Variants in NSG2 observed in about 807,000 individuals in gnomAD.
NSG2 encodes neuronal vesicle trafficking-associated protein 2.
In NSG2, 4 loss-of-function variants were observed where a neutral mutation model predicts 16.9. The ratio of observed to expected loss-of-function variants is 0.24; its 90% CI spans 0.12 to 0.54. The LOEUF (loss-of-function observed/expected upper bound fraction) is 0.54, where lower values mean the gene tolerates loss of function less well. Ranked by LOEUF, NSG2 falls within the 20% of genes least tolerant of loss-of-function variation. The pLI, the probability that NSG2 is intolerant of heterozygous loss-of-function variation, is 0.95. For synonymous variants in NSG2, 98 were observed against 88.7 expected, an observed-to-expected ratio of 1.11 and a Z score of -0.59; for missense variants, 179 against 221.1, an observed-to-expected ratio of 0.81 and a Z score of 1.21.
chr5:174,080,779 T>C (rs1159661706), intron 3 of NSG2, among the ~76,000 whole-genome samples: 2 of 152,100 alleles, frequency 1.3e-5, no homozygotes, highest in East Asian at 3.8e-4. Flanking sequence ...GCCAGGCTGG[T>C]CTTAAATTCC....
At chr5:174,102,247 A>G (rs1022774284) in intron 3 of NSG2, among the ~76,000 whole-genome samples, 1 of 152,228 alleles carries the variant, frequency 6.6e-6, no homozygotes, top group African/African-American at 2.4e-5. Context: ...CCTCCCGTCC[A>G]GTATTTAAAA....
chr5:174,099,452 C>T (rs1413353398), intron 3 of NSG2, among the ~76,000 whole-genome samples: 1 of 152,178 alleles, frequency 6.6e-6, no homozygotes, highest in Non-Finnish European at 1.5e-5. Context: ...CCCACTGGCC[C>T]CCTTGCCTTC....
intron 3 of NSG2, among the ~76,000 whole-genome samples, chr5:174,071,772 T>G (rs778141255): frequency 1.2e-4 from 18 of 152,136 alleles, no homozygotes; most frequent in Non-Finnish European, 2.2e-4. Flanking sequence ...GCGAGCCATC[T>G]GAGGTCCACA....
chr5:174,046,374 G>A (rs1759795776), intron 1 of NSG2, among the ~76,000 whole-genome samples: 1 of 152,022 alleles, frequency 6.6e-6, no homozygotes, highest in South Asian at 2.1e-4. Context: ...GGTATAATAG[G>A]ACTTCATTTT....
At chr5:174,046,676 C>T in intron 1 of NSG2, 58 bp from the exon 2 acceptor site, 1 of 1,546,654 alleles carries the variant, frequency 6.5e-7, no homozygotes, top group Admixed American at 1.7e-5. Context: ...TCTCTGTCGT[C>T]AGCCCTCTCT....
chr5:174,107,521 A>T lies in NSG2; in HGVS notation c.*16A>T. ...GGGCCACTAGAGGCCTGCCCCAGCC[A>T]GAATGGGGGGCGGGGTGGAGAGGAG... On this transcript the variant is annotated 3_prime_UTR_variant, in exon 5 of 5. Coordinates refer to ENST00000303177, the MANE Select transcript of NSG2 (RefSeq NM_015980.5). This position sits in a 1 kb window ranked among gnomAD's most constrained non-coding sequence, Gnocchi z 4.5. The T allele has an allele frequency of 6.4e-7, 1 of 1,570,416 alleles. No homozygotes were observed.
chr5:174,099,237 C>T (rs1219424334), intron 3 of NSG2, among the ~76,000 whole-genome samples: 1 of 152,180 alleles, frequency 6.6e-6, no homozygotes, highest in Non-Finnish European at 1.5e-5. Context: ...GACTCTCCAG[C>T]TCCCGCCCCA....
Position 174,107,605 on chromosome 5 carries a change from GGGGGC to G in NSG2, c.*105_*109del. 1 of 1,095,126 alleles carries G rather than the reference GGGGGC, an allele frequency of 9.1e-7. No homozygotes were observed. The highest frequency in any genetic ancestry group is 1.3e-6 in the Non-Finnish European group (1 of 746,324). 67.8% of individuals were successfully genotyped at this position (1,095,126 alleles called of 1,614,324 possible). A position where few individuals can be genotyped will look rare whatever the true frequency, so the allele number is the denominator to read the frequency against. ...AGACAACACTGTACTCCTGGGATAT[GGGGGC>G]GGGGGCGGGGCAGGGCAGGGTGGGG... On this transcript the variant is annotated 3_prime_UTR_variant, in exon 5 of 5. Transcript: ENST00000303177. The surrounding 1 kb of genome is among the most constrained non-coding windows in gnomAD (Gnocchi z 4.5).
chr5:174,087,062 C>A (rs939437744), intron 3 of NSG2, among the ~76,000 whole-genome samples: 1 of 152,112 alleles, frequency 6.6e-6, no homozygotes, highest in African/African-American at 2.4e-5. Flanking sequence ...AAAGAGATTC[C>A]TGAATTATTG....
At chr5:174,080,547 CTCTTTCT>C (rs1760440637) in intron 3 of NSG2, among the ~76,000 whole-genome samples, 3 of 141,114 alleles carry the variant, frequency 2.1e-5, no homozygotes, top group African/African-American at 7.8e-5. Context: ...CTCTCTCTCT[CTCTTTCT>C]TTTCTTTCTT....
intron 3 of NSG2, among the ~76,000 whole-genome samples, chr5:174,065,283 G>T (rs1390770582): frequency 6.6e-6 from 1 of 150,492 alleles, no homozygotes; most frequent in African/African-American, 2.5e-5. Context: ...AGCCAAGATC[G>T]CACCACTGCA....
chr5:174,062,174 A>G (rs763628400), intron 2 of NSG2, among the ~76,000 whole-genome samples: 2 of 152,038 alleles, frequency 1.3e-5, no homozygotes, highest in Non-Finnish European at 2.9e-5. Context: ...GGTCATGGTG[A>G]TTTCCCCATT....
intron 2 of NSG2, chr5:174,056,475 C>A (rs187415946): frequency 2.0e-5 from 3 of 152,312 alleles, no homozygotes; most frequent in African/African-American, 4.8e-5. Flanking sequence ...AGCGACTGAA[C>A]TCTCAGAGGC....
At chr5:174,080,513 CTCTT>C (rs569500083) in intron 3 of NSG2, among the ~76,000 whole-genome samples, 16,879 of 128,112 alleles carry the variant, frequency 0.13, 1,319 homozygotes, top group Non-Finnish European at 0.19. Context: ...CTTTCTTTCC[CTCTT>C]TCTTTCTTTC....
chr5:174,103,841 G>C (rs1021720590), intron 3 of NSG2, among the ~76,000 whole-genome samples: 3 of 152,142 alleles, frequency 2.0e-5, no homozygotes, highest in African/African-American at 7.2e-5. Flanking sequence ...GTGGGTACCT[G>C]TAATCCCAGC....
chr5:174,073,577 C>T (rs550872304), intron 3 of NSG2, among the ~76,000 whole-genome samples: 25 of 152,284 alleles, frequency 1.6e-4, no homozygotes, highest in African/African-American at 4.1e-4. Flanking sequence ...CAGGTGCTTT[C>T]GCCTGGCTTT....
At position 174,053,876 on chromosome 5, in the gene NSG2, C is replaced by T. The variant is rs1345854792; in HGVS notation, c.129+6992C>T. 5.3e-5 allele frequency among the ~76,000 whole-genome samples: 8 copies of T among 152,178 alleles called. No individual in the cohort carries two copies. In the East Asian group the frequency reaches 1.3e-3, roughly 26 times the overall value. ...TTATGTAATGTGATGCAGTGTTTTTCAGAGGGTATTTTGACATTGTCTGTA... is the reference window on the plus strand; with the variant it reads ...TTATGTAATGTGATGCAGTGTTTTTTAGAGGGTATTTTGACATTGTCTGTA... On this transcript the variant is annotated intron_variant, in intron 2 of 4. Transcript: ENST00000303177.
At chr5:174,060,999 T>C (rs1760040948) in intron 2 of NSG2, among the ~76,000 whole-genome samples, 1 of 152,136 alleles carries the variant, frequency 6.6e-6, no homozygotes, top group Non-Finnish European at 1.5e-5. Context: ...ATGAACACCA[T>C]GGGGCAGGAA....
chr5:174,081,297 T>C (rs1370061976), intron 3 of NSG2, among the ~76,000 whole-genome samples: 1 of 152,196 alleles, frequency 6.6e-6, no homozygotes, highest in Admixed American at 6.5e-5. Context: ...ATTGCAGTGG[T>C]CAGTACTTTC....
Sources: allele counts gnomAD v4.1 joint callset (sites outside exome capture counted in the v4.1 genomes callset), GRCh38; gene constraint gnomAD v4.1.1; non-coding constraint Gnocchi (gnomAD v3.1); transcripts MANE v1.5; gene names NCBI Gene and HGNC (gene_info 2026-07-23, HGNC 2026-07-21).